Variants in SIRPG observed in about 807,000 individuals in gnomAD.
SIRPG encodes signal-regulatory protein gamma.
SIRPG carries 38 observed loss-of-function variants against 35.7 expected under a neutral mutation model. The ratio of observed to expected loss-of-function variants is 1.06; its 90% confidence interval spans 0.82 to 1.40. SIRPG has a LOEUF of 1.40. Among genes scored for constraint, SIRPG ranks in the 40% most tolerant of loss-of-function variants. The pLI, the probability that SIRPG is intolerant of heterozygous loss-of-function variation, is 0.00. For synonymous variants in SIRPG, 215 were observed against 190.4 expected, an observed-to-expected ratio of 1.13 and a Z score of -1.06; for missense variants, 519 against 483.0, an observed-to-expected ratio of 1.07 and a Z score of -0.70.
At chr20:1,654,292 T>C (rs1363567951) in intron 1 of SIRPG, among the ~76,000 whole-genome samples, 1 of 150,172 alleles carries the variant, frequency 6.7e-6, no homozygotes, top group South Asian at 2.1e-4. Flanking sequence ...AATTTCAACA[T>C]TGACTACAGT....
chr20:1,664,292 TAAAC>T, the SIRPG span, among the ~76,000 whole-genome samples: 10 of 152,162 alleles, frequency 6.6e-5, no homozygotes, highest in Admixed American at 6.5e-5. Flanking sequence ...CTTGGATGCT[TAAAC>T]AAAGAGGAAA....
At chr20:1,655,432 G>C (rs960756919) in intron 1 of SIRPG, among the ~76,000 whole-genome samples, 2 of 152,092 alleles carry the variant, frequency 1.3e-5, no homozygotes, top group African/African-American at 4.8e-5. Flanking sequence ...GGCACGGAAA[G>C]ACAAACACTG....
At chr20:1,672,928 G>A in the SIRPG span, among the ~76,000 whole-genome samples, 1 of 152,102 alleles carries the variant, frequency 6.6e-6, no homozygotes, top group Admixed American at 6.5e-5. Context: ...AAGAAACACA[G>A]ACCCAGGCCA....
Position 1,636,515 on chromosome 20 carries a change from G to A in SIRPG, c.431-10C>T. 1.2e-6 allele frequency: 2 copies of A among 1,613,808 alleles called. No homozygotes were observed. Among genetic ancestry groups the A allele is most frequent in the Non-Finnish European group, 1.7e-6 (2 of 1,179,694 alleles). On this transcript the variant is annotated splice_polypyrimidine_tract_variant and intron_variant, in intron 2 of 5. Coordinates refer to ENST00000303415, the MANE Select transcript of SIRPG (RefSeq NM_018556.4). ...GGGGCAGAGGGTTTGGCTACAAAAG[G>A]GGCATCGATAAACAGGAGACATGAC...
chr20:1,649,158 G>C lies in SIRPG; in HGVS notation c.324C>G (p.Ser108Arg). ...NNMDFSIRIS[S>R]ITPADVGTYY... ...ATGTGCCGACATCTGCTGGGGTGATGCTACTGATGCGGATGGAAAAGTCCA... is the reference window on the plus strand; with the variant it reads ...ATGTGCCGACATCTGCTGGGGTGATCCTACTGATGCGGATGGAAAAGTCCA... The change falls in exon 2 of 6, where the codon AGC (serine) becomes AGG (arginine). Residue 108 changes from serine to arginine, a missense_variant. Transcript: ENST00000303415. 1 of 1,614,094 alleles carries C rather than the reference G, an allele frequency of 6.2e-7. No homozygotes were observed. The highest frequency in any genetic ancestry group is 1.1e-5 in the South Asian group (1 of 91,074).
intron 1 of SIRPG, among the ~76,000 whole-genome samples, chr20:1,653,361 G>T (rs747034440): frequency 6.6e-6 from 1 of 152,138 alleles, no homozygotes; most frequent in Non-Finnish European, 1.5e-5. Context: ...AAGTAAAAGA[G>T]GTAAGGCATT....
the SIRPG span, among the ~76,000 whole-genome samples, chr20:1,674,154 G>A: frequency 1.3e-5 from 2 of 152,284 alleles, no homozygotes; most frequent in Admixed American, 1.3e-4. Flanking sequence ...TGCATGCCCA[G>A]GCTCATGTCA....
the SIRPG span, among the ~76,000 whole-genome samples, chr20:1,673,464 G>A: frequency 9.9e-5 from 15 of 152,122 alleles, no homozygotes; most frequent in African/African-American, 3.6e-4. Flanking sequence ...CTGGCATGTC[G>A]TAGGTGCTTA....
At chr20:1,670,833 G>A in the SIRPG span, 3 of 188,022 alleles carry the variant, frequency 1.6e-5, no homozygotes, top group East Asian at 5.0e-4. Context: ...GGAGGAGCAG[G>A]CTTGGCAACC....
intron 2 of SIRPG, among the ~76,000 whole-genome samples, chr20:1,638,090 G>C (rs987428523): frequency 6.6e-6 from 1 of 152,210 alleles, no homozygotes; most frequent in Non-Finnish European, 1.5e-5. Context: ...AGAGGGCTGA[G>C]AGGCTGTAAC....
In SIRPG at chr20:1,635,326, T is replaced by C; in HGVS notation, c.1022A>G (p.Lys341Arg). 6.2e-7 allele frequency: 1 copy of C among 1,614,198 alleles called. No homozygotes were observed. The highest frequency in any genetic ancestry group is 8.5e-7 in the Non-Finnish European group (1 of 1,180,018). Residue 341 changes from lysine (K) to arginine (R), a missense_variant, in exon 4 of 6, where the codon AAA (lysine) becomes AGA (arginine). Physicochemically the swap from Lys to Arg is conservative, Grantham distance 26. Coordinates refer to ENST00000303415, the MANE Select transcript of SIRPG (RefSeq NM_018556.4). ...GACTGTGACCTCTAGGGCAAGGCGT[T>C]TGCTGACCGCCAGCTGCCCATCATG... The part of the protein sequence containing the change: ...VKHDGQLAVS[K>R]RLALEVTVHQ...
chr20:1,682,664 A>G, the SIRPG span, among the ~76,000 whole-genome samples: 1 of 152,230 alleles, frequency 6.6e-6, no homozygotes, highest in African/African-American at 2.4e-5. Flanking sequence ...ATATCCATGT[A>G]TAGAGAAATA....
the SIRPG span, among the ~76,000 whole-genome samples, chr20:1,679,636 C>T: frequency 1.3e-5 from 2 of 152,084 alleles, no homozygotes; most frequent in Admixed American, 1.3e-4. Context: ...ATAAATTGTT[C>T]ATCTTCATAT....
rs2091921878 is a variant in SIRPG at position 1,649,339 on chromosome 20, G to A, written c.143C>T (p.Thr48Ile). The A allele has an allele frequency of 6.2e-7, 1 of 1,614,096 alleles. No homozygotes were observed. ...EKLLLVTVGK[T>I]ATLHCTVTSL... ...GGTCACAGTGCAGTGCAGAGTGGCT[G>A]TCTTTCCAACTGTGACCAACAGGAG... The change falls in exon 2 of 6, where the codon ACA becomes ATA. Residue 48 changes from threonine (T) to isoleucine (I), a missense_variant. Thr to Ile is a moderately conservative substitution (Grantham distance 89). Coordinates refer to ENST00000303415, the MANE Select transcript of SIRPG (RefSeq NM_018556.4).
the SIRPG span, among the ~76,000 whole-genome samples, chr20:1,682,221 C>A: frequency 1.3e-5 from 2 of 152,088 alleles, no homozygotes; most frequent in African/African-American, 4.8e-5. Flanking sequence ...CAGGGAAAAC[C>A]AAATATCTCT....
At chr20:1,681,459 T>C in the SIRPG span, among the ~76,000 whole-genome samples, 1 of 152,176 alleles carries the variant, frequency 6.6e-6, no homozygotes, top group Non-Finnish European at 1.5e-5. Context: ...TAAGAATCTC[T>C]ACCTTGGATA....
intron 4 of SIRPG, chr20:1,633,642 T>C (rs2318044): frequency 0.68 from 102,742 of 152,012 alleles, 35,146 homozygotes; most frequent in East Asian, 0.83. Flanking sequence ...ATTTCCTATA[T>C]TTACTCTTCC....
At chr20:1,641,362 A>G (rs1256396854) in intron 2 of SIRPG, among the ~76,000 whole-genome samples, 1 of 152,100 alleles carries the variant, frequency 6.6e-6, no homozygotes, top group Non-Finnish European at 1.5e-5. Context: ...ACAGGAATTT[A>G]TCCATTTCTT....
intron 1 of SIRPG, chr20:1,651,418 G>A (rs1196489836): frequency 6.6e-6 from 1 of 152,210 alleles, no homozygotes; most frequent in East Asian, 1.9e-4. Flanking sequence ...TAAAGGCAAT[G>A]GCTTCTCATC....
Sources: allele counts gnomAD v4.1 joint callset (sites outside exome capture counted in the v4.1 genomes callset), GRCh38; gene constraint gnomAD v4.1.1; transcripts MANE v1.5; gene names NCBI Gene and HGNC (gene_info 2026-07-23, HGNC 2026-07-21).